Variants in SIAH3 observed in about 807,000 individuals in gnomAD.
SIAH3 encodes siah E3 ubiquitin protein ligase family member 3, also known as seven in absentia homolog 3.
In SIAH3, 9 loss-of-function variants were observed where a neutral mutation model predicts 12.6. That is an observed-to-expected ratio of 0.72 (90% CI 0.43 to 1.25). The LOEUF (loss-of-function observed/expected upper bound fraction) is 1.25, where lower values mean the gene tolerates loss of function less well. Among genes scored for constraint, SIAH3 ranks in the 50% most tolerant of loss-of-function variants. The pLI is 0.00. For missense variants in SIAH3, 390 were observed against 365.4 expected (o/e 1.07, Z -0.55); for synonymous variants, 154 against 151.1 (o/e 1.02, Z -0.14).
At chr13:45,822,556 T>TATATATATATA (rs58735572) in intron 1 of SIAH3, among the ~76,000 whole-genome samples, 555 of 136,664 alleles carry the variant, frequency 4.1e-3, no homozygotes, top group Non-Finnish European at 4.6e-3. Context: ...TATATATATA[T>TATATATATATA]TAGACTAGGG....
chr13:45,826,487 GGATGGGTGGGTGGATA>G (rs1950677823), intron 1 of SIAH3, among the ~76,000 whole-genome samples: 1 of 150,950 alleles, frequency 6.6e-6, no homozygotes, highest in Non-Finnish European at 1.5e-5. Context: ...ATGGATGGAT[GGATGGGTGGGTGGATA>G]GATGGATGGA....
intron 1 of SIAH3, among the ~76,000 whole-genome samples, chr13:45,833,594 T>G (rs541835867): frequency 1.3e-5 from 2 of 152,182 alleles, no homozygotes; most frequent in Admixed American, 6.5e-5. Flanking sequence ...ATACTCTCTA[T>G]CCACATTGTG....
chr13:45,838,273 G>C (rs1406209610), intron 1 of SIAH3, among the ~76,000 whole-genome samples: 2 of 152,152 alleles, frequency 1.3e-5, no homozygotes, highest in African/African-American at 2.4e-5. Context: ...TCTTTTCAAG[G>C]AGTGGGTGGT....
intron 1 of SIAH3, among the ~76,000 whole-genome samples, chr13:45,817,335 T>C (rs1334489750): frequency 6.6e-6 from 1 of 152,252 alleles, no homozygotes; most frequent in South Asian, 2.1e-4. Flanking sequence ...CTATGCCATA[T>C]AGCCTAGGTG....
chr13:45,826,401 A>ATGGGTGAGTTGCTGGG (rs752565228), intron 1 of SIAH3, among the ~76,000 whole-genome samples: 1 of 58,972 alleles, frequency 1.7e-5, no homozygotes, highest in Non-Finnish European at 3.0e-5. Context: ...GGATGGATGG[A>ATGGGTGAGTTGCTGGG]TGGATGGATG....
At chr13:45,836,648 G>A (rs1056965550) in intron 1 of SIAH3, among the ~76,000 whole-genome samples, 22 of 152,284 alleles carry the variant, frequency 1.4e-4, no homozygotes, top group African/African-American at 5.1e-4. Context: ...GAGAGCATCA[G>A]GAAGAACAGC....
At chr13:45,814,816 G>A (rs113577651) in intron 1 of SIAH3, among the ~76,000 whole-genome samples, 20 of 151,600 alleles carry the variant, frequency 1.3e-4, no homozygotes, top group Non-Finnish European at 1.9e-4. Flanking sequence ...TCTGCCTTCC[G>A]GGCTCAAGCG....
chr13:45,787,485 T>TG (rs1466747642), intron 1 of SIAH3, among the ~76,000 whole-genome samples: 1 of 151,900 alleles, frequency 6.6e-6, no homozygotes, highest in Non-Finnish European at 1.5e-5. Flanking sequence ...GAGCACCAAG[T>TG]GGGGGAGGTA....
At chr13:45,839,855 A>G (rs7986758) in intron 1 of SIAH3, among the ~76,000 whole-genome samples, 24,041 of 152,006 alleles carry the variant, frequency 0.16, 2,726 homozygotes, top group African/African-American at 0.31. Flanking sequence ...ACAAACAAAA[A>G]TCATTAATTT....
intron 1 of SIAH3, among the ~76,000 whole-genome samples, chr13:45,845,591 T>A (rs74072074): frequency 0.025 from 3,848 of 152,304 alleles, 167 homozygotes; most frequent in African/African-American, 0.086. Flanking sequence ...TATATCTGAG[T>A]GTTTATGCTT....
intron 1 of SIAH3, among the ~76,000 whole-genome samples, chr13:45,843,877 A>G (rs1950749456): frequency 6.6e-6 from 1 of 152,196 alleles, no homozygotes; most frequent in Non-Finnish European, 1.5e-5. Context: ...ATAATCCCAA[A>G]AGATGCAGTC....
rs949122660 is a variant in SIAH3 at position 45,828,183 on chromosome 13, C to T, written c.135+23312G>A. ...TGAGATATCATAAGCAAAGCATCCC[C>T]CTTTGTCTGACCTATGGGAGTGCTC... is the stretch of plus-strand genomic sequence containing the variant. On this transcript the variant is annotated intron_variant, in intron 1 of 1. Coordinates refer to ENST00000400405, the MANE Select transcript of SIAH3 (RefSeq NM_198849.3). 5.3e-5 allele frequency among the ~76,000 whole-genome samples: 8 copies of T among 152,172 alleles called. No homozygotes were observed. The South Asian group carries it at 6.2e-4, about 12-fold the overall frequency.
Position 45,825,814 on chromosome 13 carries a change from C to T in SIAH3, c.135+25681G>A, listed in dbSNP as rs1243253181. Among the ~76,000 whole-genome samples the T allele has an allele frequency of 5.9e-5, 9 of 152,174 alleles. 1 individual carries two copies. Among genetic ancestry groups the T allele is most frequent in the African/African-American group, 1.7e-4 (7 of 41,440 alleles). ...ATCCTCTGTGCCTGTGACATTTCTC[C>T]GTTTTGTAGGACAGCCCTACCCCAG... On this transcript the variant is annotated intron_variant, in intron 1 of 1. Coordinates refer to ENST00000400405, the MANE Select transcript of SIAH3 (RefSeq NM_198849.3).
In SIAH3 at chr13:45,783,581, C is replaced by T. The variant is rs1321744098; in HGVS notation, c.612G>A (p.Glu204=). ...TQADCFTYRL[E]LNRNHRRLKW... Reference sequence around the variant, plus strand: ...TGAGGCGCCGATGGTTTCTGTTGAGCTCCAGGCGATAGGTGAAGCAGTCGG... The same window carrying T: ...TGAGGCGCCGATGGTTTCTGTTGAGTTCCAGGCGATAGGTGAAGCAGTCGG... Residue 204 remains glutamate, a synonymous_variant, in exon 2 of 2, where the codon GAG becomes GAA. Transcript: ENST00000400405. The T allele has an allele frequency of 2.5e-6, 4 of 1,614,100 alleles. No individual in the cohort carries two copies. Among genetic ancestry groups the T allele is most frequent in the Admixed American group, 3.3e-5 (2 of 60,002 alleles).
chr13:45,827,812 G>A (rs1337910034), intron 1 of SIAH3, among the ~76,000 whole-genome samples: 1 of 152,170 alleles, frequency 6.6e-6, no homozygotes, highest in Admixed American at 6.5e-5. Context: ...TACCAATAAA[G>A]TTTTTAATTT....
chr13:45,805,558 G>A lies in SIAH3; in HGVS notation c.136-21501C>T, dbSNP rs181569565. Among the ~76,000 whole-genome samples, 167 of 152,050 alleles carry A rather than the reference G, an allele frequency of 1.1e-3. 2 individuals carry two copies. In the Middle Eastern group the frequency reaches 0.024, roughly 22 times the overall value. ...GAATGAAAATGGACCTCTACCTTTC[G>A]CCATATATAAAAATTAACTCAAGAT... On this transcript the variant is annotated intron_variant, in intron 1 of 1. Coordinates refer to ENST00000400405, the MANE Select transcript of SIAH3 (RefSeq NM_198849.3).
At position 45,851,599 on chromosome 13, in the gene SIAH3, C is replaced by T. The variant is rs759600502; in HGVS notation, c.31G>A (p.Val11Ile). Residue 11 changes from valine (V) to isoleucine (I), a missense_variant, in exon 1 of 2, where the codon GTA becomes ATA. By Grantham distance (29) the Val-to-Ile change is conservative. Coordinates refer to ENST00000400405, the MANE Select transcript of SIAH3 (RefSeq NM_198849.3). ...AACCGGAGATGAATGAGATCTAATA[C>T]AGCCCCAAAGCACTGGGTAAAGAAA... MLFFTQCFGA[V>I]LDLIHLRFQH... 6.8e-6 allele frequency: 11 copies of T among 1,614,054 alleles called. No homozygotes were observed. Among genetic ancestry groups the T allele is most frequent in the African/African-American group, 1.3e-5 (1 of 74,906 alleles).
chr13:45,797,530 C>T (rs1950567406), intron 1 of SIAH3, among the ~76,000 whole-genome samples: 1 of 151,558 alleles, frequency 6.6e-6, no homozygotes, highest in African/African-American at 2.4e-5. Context: ...CTTGCAGCTA[C>T]CCAAGCCGCA....
At chr13:45,835,216 T>A (rs965875700) in intron 1 of SIAH3, among the ~76,000 whole-genome samples, 7 of 152,214 alleles carry the variant, frequency 4.6e-5, no homozygotes, top group Non-Finnish European at 8.8e-5. Flanking sequence ...ATAGTGACTA[T>A]TTCCCAGCCT....
Sources: allele counts gnomAD v4.1 joint callset (sites outside exome capture counted in the v4.1 genomes callset), GRCh38; gene constraint gnomAD v4.1.1; transcripts MANE v1.5; gene names NCBI Gene and HGNC (gene_info 2026-07-23, HGNC 2026-07-21).